Variants in MACROD2 observed in about 807,000 individuals in gnomAD.
MACROD2 encodes mono-ADP ribosylhydrolase 2, also known as ADP-ribose glycohydrolase MACROD2.
In MACROD2, 36 loss-of-function variants were observed where a neutral mutation model predicts 70.4. The observed-to-expected ratio is 0.51, with a 90% CI of 0.39 to 0.68. The LOEUF (loss-of-function observed/expected upper bound fraction) is 0.68, where lower values mean the gene tolerates loss of function less well. MACROD2 is among the 30% of genes least tolerant of loss of function. MACROD2 has a pLI of 0.00. For missense variants in MACROD2, 496 were observed against 538.4 expected, an observed-to-expected ratio of 0.92 and a Z score of 0.78; for synonymous variants, 172 against 178.8, an observed-to-expected ratio of 0.96 and a Z score of 0.30.
chr20:15,293,102 T>C (rs2077555747), intron 6 of MACROD2, among the ~76,000 whole-genome samples: 1 of 152,194 alleles, frequency 6.6e-6, no homozygotes, highest in Non-Finnish European at 1.5e-5. Context: ...CTAACACCAA[T>C]CCATTTCTCA....
chr20:15,328,808 C>T (rs1221419847), intron 6 of MACROD2, among the ~76,000 whole-genome samples: 1 of 152,014 alleles, frequency 6.6e-6, no homozygotes, highest in Non-Finnish European at 1.5e-5. Flanking sequence ...AACAATTACA[C>T]TCTTAGAAAT....
intron 5 of MACROD2, among the ~76,000 whole-genome samples, chr20:14,762,431 A>G (rs1403894837): frequency 6.6e-6 from 1 of 152,150 alleles, no homozygotes; most frequent in Non-Finnish European, 1.5e-5. Context: ...GCAAAAAACT[A>G]AGTAAATAAA....
chr20:14,087,891 G>A (rs909727500), intron 3 of MACROD2, among the ~76,000 whole-genome samples: 1 of 151,770 alleles, frequency 6.6e-6, no homozygotes, highest in East Asian at 1.9e-4. Flanking sequence ...ATATGTGTGT[G>A]TATATATACA....
intron 3 of MACROD2, among the ~76,000 whole-genome samples, chr20:14,245,502 A>C (rs1257269020): frequency 1.3e-5 from 2 of 152,294 alleles, no homozygotes; most frequent in South Asian, 2.1e-4. Context: ...AGTAACTTGC[A>C]CAGAGTTGCA....
intron 6 of MACROD2, among the ~76,000 whole-genome samples, chr20:15,362,491 A>T (rs1205119742): frequency 2.0e-5 from 3 of 152,116 alleles, no homozygotes; most frequent in East Asian, 1.9e-4. Flanking sequence ...TTGAGTTTTT[A>T]AAAAATATTA....
At chr20:14,576,342 C>T (rs1980598967) in intron 4 of MACROD2, among the ~76,000 whole-genome samples, 1 of 152,136 alleles carries the variant, frequency 6.6e-6, no homozygotes, top group South Asian at 2.1e-4. Flanking sequence ...TGGCATGAAC[C>T]ACAAAGCCCT....
At chr20:15,411,080 G>C (rs2046071933) in intron 6 of MACROD2, among the ~76,000 whole-genome samples, 1 of 151,344 alleles carries the variant, frequency 6.6e-6, no homozygotes, top group Non-Finnish European at 1.5e-5. Context: ...GGATGATGTA[G>C]TCATCTTTGG....
At chr20:14,576,787 G>T (rs1012868553) in intron 4 of MACROD2, among the ~76,000 whole-genome samples, 18 of 152,050 alleles carry the variant, frequency 1.2e-4, no homozygotes, top group Non-Finnish European at 2.2e-4. Context: ...GTGTTAAAAA[G>T]GAATTTTATT....
intron 5 of MACROD2, among the ~76,000 whole-genome samples, chr20:14,747,609 T>C (rs1049897736): frequency 1.3e-5 from 2 of 152,050 alleles, no homozygotes; most frequent in African/African-American, 4.8e-5. Context: ...TTATAAGAAA[T>C]AGCTCATTTT....
At chr20:14,258,389 AT>A (rs142078444) in intron 3 of MACROD2, among the ~76,000 whole-genome samples, 52,888 of 151,812 alleles carry the variant, frequency 0.35, 10,409 homozygotes, top group East Asian at 0.53. Flanking sequence ...AACATCTATT[AT>A]TTTTTTATTA....
intron 6 of MACROD2, among the ~76,000 whole-genome samples, chr20:15,321,885 T>C (rs1300041396): frequency 7.0e-6 from 1 of 143,782 alleles, no homozygotes; most frequent in Non-Finnish European, 1.6e-5. Flanking sequence ...CTCTGCCTCC[T>C]GGGTTCAAGT....
At chr20:14,193,514 C>T (rs1196959318) in intron 3 of MACROD2, among the ~76,000 whole-genome samples, 1 of 152,112 alleles carries the variant, frequency 6.6e-6, no homozygotes, top group Non-Finnish European at 1.5e-5. Context: ...GGGTTAAGGG[C>T]ACAAAACAAT....
intron 8 of MACROD2, among the ~76,000 whole-genome samples, chr20:15,628,744 G>A (rs1568938841): frequency 6.6e-6 from 1 of 152,232 alleles, no homozygotes; most frequent in Non-Finnish European, 1.5e-5. Context: ...CCTTGGTGGG[G>A]ATGACTGAAA....
chr20:15,812,790 A>G (rs892620485), intron 8 of MACROD2, among the ~76,000 whole-genome samples: 2 of 152,222 alleles, frequency 1.3e-5, no homozygotes, highest in Non-Finnish European at 2.9e-5. Context: ...TCAACGTTAG[A>G]AGGACAAATG....
At chr20:14,749,801 T>C (rs1359921405) in intron 5 of MACROD2, among the ~76,000 whole-genome samples, 1 of 152,196 alleles carries the variant, frequency 6.6e-6, no homozygotes, top group East Asian at 1.9e-4. Flanking sequence ...ATGAATCTTC[T>C]AATAGAAAGT....
At chr20:15,431,689 A>T (rs1320919491) in intron 7 of MACROD2, among the ~76,000 whole-genome samples, 1 of 152,028 alleles carries the variant, frequency 6.6e-6, no homozygotes, top group Non-Finnish European at 1.5e-5. Flanking sequence ...TAAACAAAAA[A>T]TTTGGTTCCA....
chr20:14,757,616 G>A, intron 5 of MACROD2: 1 of 1,172,642 alleles, frequency 8.5e-7, no homozygotes, highest in East Asian at 2.4e-5. Flanking sequence ...TTTTAAGGAG[G>A]GAGTCATGGT....
At chr20:14,085,768 G>T in intron 3 of MACROD2, 40 bp downstream of exon 3, 1 of 1,185,668 alleles carries the variant, frequency 8.4e-7, no homozygotes, top group Non-Finnish European at 1.1e-6. Flanking sequence ...TGTTATGTAA[G>T]TATTATTTCA....
intron 4 of MACROD2, among the ~76,000 whole-genome samples, chr20:14,553,228 C>T (rs1401811055): frequency 1.3e-5 from 2 of 151,182 alleles, no homozygotes; most frequent in African/African-American, 4.9e-5. Flanking sequence ...GAAACACTCA[C>T]ACTAGTCCAG....
Sources: allele counts gnomAD v4.1 joint callset (sites outside exome capture counted in the v4.1 genomes callset), GRCh38; gene constraint gnomAD v4.1.1; transcripts MANE v1.5; gene names NCBI Gene and HGNC (gene_info 2026-07-23, HGNC 2026-07-21).